The following IQSEC3 variants were observed in gnomAD, a reference collection of about 807,000 sequenced individuals.
The protein encoded by IQSEC3 is IQ motif and Sec7 domain ArfGEF 3, also known as IQ motif and SEC7 domain-containing protein 3.
A neutral mutation model predicts 105.4 loss-of-function variants in IQSEC3; 50 were observed. That is an observed-to-expected ratio of 0.47 (90% CI 0.38 to 0.60). IQSEC3 has a LOEUF of 0.60. Among genes scored for constraint, IQSEC3 ranks in the 20% least tolerant of loss-of-function variants. The pLI is 0.00. For synonymous variants in IQSEC3, 708 were observed against 746.0 expected (o/e 0.95, Z 0.83); for missense variants, 1,415 against 1,630.0 (o/e 0.87, Z 2.27).
chr12:144,965 G>A (rs1473698076), intron 5 of IQSEC3, among the ~76,000 whole-genome samples: 5 of 152,236 alleles, frequency 3.3e-5, no homozygotes, highest in African/African-American at 9.6e-5. Flanking sequence ...CTGAAGAGCT[G>A]AAACCACTGG....
intron 2 of IQSEC3, among the ~76,000 whole-genome samples, chr12:116,727 T>TGAGGCTCCCAC (rs570626869): frequency 6.6e-6 from 1 of 152,104 alleles, no homozygotes; most frequent in African/African-American, 2.4e-5. Context: ...TGACTGCTCC[T>TGAGGCTCCCAC]GAGGCTCCCA....
Position 175,298 on chromosome 12 carries a change from C to A in IQSEC3, c.*265C>A. 1 of 439,026 alleles carries A rather than the reference C, an allele frequency of 2.3e-6. No individual in the cohort carries two copies. Among genetic ancestry groups the A allele is most frequent in the Admixed American group, 3.9e-5 (1 of 25,514 alleles). 27.2% of individuals were successfully genotyped at this position (439,026 alleles called of 1,614,324 possible). A position where few individuals can be genotyped will look rare whatever the true frequency, so the allele number is the denominator to read the frequency against. ...CCAGACCCGGCGAGGCCTCCTCTTC[C>A]CCTGGCCACCACTTTCCCCCATTGG... On this transcript the variant is annotated 3_prime_UTR_variant, in exon 14 of 14. Coordinates refer to ENST00000538872, the MANE Select transcript of IQSEC3 (RefSeq NM_001170738.2).
chr12:125,784 T>C lies in IQSEC3; in HGVS notation c.775T>C (p.Ser259Pro), dbSNP rs1349446357. 3 of 1,515,156 alleles carry C rather than the reference T, an allele frequency of 2.0e-6. No individual in the cohort carries two copies. The South Asian group carries it at 3.7e-5, about 19-fold the overall frequency. The allele number at this position is 1,515,156 out of a possible 1,614,324, so 93.9% of individuals were successfully genotyped here. A position where few individuals can be genotyped will look rare whatever the true frequency, so the allele number is the denominator to read the frequency against. ...GGAGCGGCCGGGGGCAGGGGCTGCC[T>C]CCCCAAGGGCTGGCCCCCAGCACAA... ...EEERPGAGAA[S>P]PRAGPQHKAS... The change falls in exon 3 of 14, where the codon TCC becomes CCC. Residue 259 changes from serine to proline, a missense_variant. Around this residue, in one of 6 missense-constraint regions of IQSEC3, gnomAD observed 720 missense variants for 633.0 expected, o/e 1.14. Transcript: ENST00000538872.
intron 4 of IQSEC3, 192 bp downstream of exon 4, chr12:139,546 C>A (rs1364857453): frequency 2.3e-5 from 10 of 442,870 alleles, no homozygotes; most frequent in African/African-American, 2.0e-4. Context: ...TTATTTTAAT[C>A]ATCCTGAGTT....
In IQSEC3 at chr12:157,638, C is replaced by T. The variant is rs868926829; in HGVS notation, c.2387C>T (p.Pro796Leu). ...IILLNTDMYS[P>L]NIKPDRKMML... ...CTCCTCAACACCGACATGTACAGCCCCAACATCAAGCCTGACCGGAAGATG... is the reference window on the plus strand; with the variant it reads ...CTCCTCAACACCGACATGTACAGCCTCAACATCAAGCCTGACCGGAAGATG... The change falls in exon 7 of 14, where the codon CCC (proline) becomes CTC (leucine). Residue 796 changes from proline (P) to leucine (L), a missense_variant. Around this residue, in one of 6 missense-constraint regions of IQSEC3, gnomAD observed 213 missense variants for 306.2 expected, o/e 0.70. Coordinates refer to ENST00000538872, the MANE Select transcript of IQSEC3 (RefSeq NM_001170738.2). The T allele has an allele frequency of 1.2e-6, 2 of 1,614,212 alleles. No homozygotes were observed. The highest frequency in any genetic ancestry group is 1.1e-5 in the South Asian group (1 of 91,076).
At chr12:171,392 C>T in intron 13 of IQSEC3, 1 of 1,427,792 alleles carries the variant, frequency 7.0e-7, no homozygotes, top group South Asian at 1.2e-5. Flanking sequence ...CAGCCTGCTG[C>T]CCTCCGAGGC....
intron 5 of IQSEC3, among the ~76,000 whole-genome samples, chr12:145,767 T>C (rs1238086419): frequency 6.6e-6 from 1 of 152,262 alleles, no homozygotes; most frequent in African/African-American, 2.4e-5. Context: ...AATTTGGCTC[T>C]GCTCTATTTC....
chr12:157,204 C>T (rs561028160), intron 6 of IQSEC3, 57 bp downstream of exon 6: 137 of 1,468,264 alleles, frequency 9.3e-5, no homozygotes, highest in Non-Finnish European at 1.1e-4. Context: ...GAAGCCGGGC[C>T]GCTGTGAGCC....
chr12:139,321 G>C lies in IQSEC3; in HGVS notation c.1958G>C (p.Arg653Pro). The C allele has an allele frequency of 6.3e-7, 1 of 1,592,254 alleles. No homozygotes were observed. The highest frequency in any genetic ancestry group is 8.5e-7 in the Non-Finnish European group (1 of 1,170,302). ...CTCTCCACCGACACCCTGCGCAAGCGGCTCTACCGCATCGGCCTCAACCTC... is the reference window on the plus strand; with the variant it reads ...CTCTCCACCGACACCCTGCGCAAGCCGCTCTACCGCATCGGCCTCAACCTC... ...PTLSTDTLRK[R>P]LYRIGLNLFN... Residue 653 changes from arginine (R) to proline (P), a missense_variant, in exon 4 of 14, where the codon CGG becomes CCG. Around this residue, in one of 6 missense-constraint regions of IQSEC3, gnomAD observed 213 missense variants for 306.2 expected, o/e 0.70. Coordinates refer to ENST00000538872, the MANE Select transcript of IQSEC3 (RefSeq NM_001170738.2).
At chr12:105,242 T>C (rs1211973219) in intron 2 of IQSEC3, among the ~76,000 whole-genome samples, 1 of 152,146 alleles carries the variant, frequency 6.6e-6, no homozygotes, top group African/African-American at 2.4e-5. Context: ...CACTGGTTGG[T>C]TGGGAGAGGT....
chr12:70,202 A>C (rs1165148322), intron 1 of IQSEC3, among the ~76,000 whole-genome samples: 1 of 152,390 alleles, frequency 6.6e-6, no homozygotes, highest in Non-Finnish European at 1.5e-5. Context: ...GTCCTCACAC[A>C]GTTTGACTTT....
At chr12:90,313 T>G (rs1237963825) in intron 1 of IQSEC3, among the ~76,000 whole-genome samples, 1 of 152,254 alleles carries the variant, frequency 6.6e-6, no homozygotes, top group Non-Finnish European at 1.5e-5. Flanking sequence ...AGAGAAAAAT[T>G]GATGTACCTT....
At chr12:144,312 G>A (rs1555090322) in intron 5 of IQSEC3, 1 of 152,212 alleles carries the variant, frequency 6.6e-6, no homozygotes, top group Non-Finnish European at 1.5e-5. Context: ...CACTAACCGA[G>A]TCGCCAGGTG....
intron 5 of IQSEC3, chr12:141,849 T>G (rs1866041897): frequency 6.6e-6 from 1 of 152,466 alleles, no homozygotes; most frequent in African/African-American, 2.4e-5. Context: ...GAAAATGGTT[T>G]TAAAGTCCAG....
intron 11 of IQSEC3, chr12:167,000 CT>C (rs1252871751): frequency 1.3e-5 from 2 of 152,186 alleles, no homozygotes; most frequent in African/African-American, 4.8e-5. Flanking sequence ...AGAAGAGGTT[CT>C]GTTTATTTTT....
At chr12:126,560 T>C (rs1310963646) in intron 3 of IQSEC3, among the ~76,000 whole-genome samples, 1 of 151,692 alleles carries the variant, frequency 6.6e-6, no homozygotes, top group Non-Finnish European at 1.5e-5. Flanking sequence ...TGTGTGTGTG[T>C]GTGTGTGTGT....
At chr12:123,264 C>T (rs368113551) in intron 2 of IQSEC3, among the ~76,000 whole-genome samples, 6 of 152,004 alleles carry the variant, frequency 3.9e-5, no homozygotes, top group African/African-American at 9.7e-5. Flanking sequence ...AAAATTTGCC[C>T]GGTATGGTGG....
At position 178,428 on chromosome 12, in the gene IQSEC3, A is replaced by G. The variant is rs949857663; in HGVS notation, c.*3395A>G. ...TTATCTGTTCAATTCATAGAGTTTTAGAGATTATATTGAAAGATGTCACTT... is the reference window on the plus strand; with the variant it reads ...TTATCTGTTCAATTCATAGAGTTTTGGAGATTATATTGAAAGATGTCACTT... On this transcript the variant is annotated 3_prime_UTR_variant, in exon 14 of 14. Coordinates refer to ENST00000538872, the MANE Select transcript of IQSEC3 (RefSeq NM_001170738.2). 6.6e-6 allele frequency: 1 copy of G among 152,230 alleles called. No homozygotes were observed. The highest frequency in any genetic ancestry group is 1.5e-5 in the Non-Finnish European group (1 of 68,058). 9.4% of individuals were successfully genotyped at this position (152,230 alleles called of 1,614,324 possible).
At chr12:157,446 C>A (rs544704922) in intron 6 of IQSEC3, 82 bp from the exon 7 acceptor site, 4 of 1,449,640 alleles carry the variant, frequency 2.8e-6, no homozygotes, top group Non-Finnish European at 3.7e-6. Flanking sequence ...TGGGATACCC[C>A]CTGGACACCC....
Sources: allele counts gnomAD v4.1 joint callset (sites outside exome capture counted in the v4.1 genomes callset), GRCh38; gene constraint gnomAD v4.1.1; regional missense constraint gnomAD v4.1.1; transcripts MANE v1.5; gene names NCBI Gene and HGNC (gene_info 2026-07-23, HGNC 2026-07-21).